The following FAT3 variants were observed in gnomAD, a reference collection of about 807,000 sequenced individuals.
The protein encoded by FAT3 is FAT atypical cadherin 3.
FAT3 carries 95 observed loss-of-function variants against 310.2 expected under a neutral mutation model. That is an observed-to-expected ratio of 0.31 (90% CI 0.26 to 0.36). The LOEUF is 0.36. Ranked by LOEUF, FAT3 falls within the 10% of genes least tolerant of loss-of-function variation. The pLI is 1.00. For missense variants in FAT3, 5,408 were observed against 5,715.6 expected, an observed-to-expected ratio of 0.95 and a Z score of 1.74; for synonymous variants, 2,314 against 2,192.9, an observed-to-expected ratio of 1.06 and a Z score of -1.54.
At chr11:92,525,964 A>G (rs182602846) in intron 3 of FAT3, among the ~76,000 whole-genome samples, 210 of 152,360 alleles carry the variant, frequency 1.4e-3, no homozygotes, top group African/African-American at 4.7e-3. Context: ...TTTAAGAAAG[A>G]AAATTATTGA....
At chr11:92,674,654 C>T (rs1943232062) in intron 3 of FAT3, among the ~76,000 whole-genome samples, 1 of 152,052 alleles carries the variant, frequency 6.6e-6, no homozygotes, top group Non-Finnish European at 1.5e-5. Flanking sequence ...TCCCAAGTAA[C>T]TAGGACTACA....
chr11:92,329,405 C>T (rs974275876), intron 1 of FAT3, among the ~76,000 whole-genome samples: 15 of 152,152 alleles, frequency 9.9e-5, no homozygotes, highest in Admixed American at 5.9e-4. Context: ...GATCTCTGCA[C>T]ATGCTGACTT....
chr11:92,885,417 G>A (rs1221427618), intron 24 of FAT3, among the ~76,000 whole-genome samples: 2 of 152,162 alleles, frequency 1.3e-5, no homozygotes, highest in Admixed American at 6.5e-5. Context: ...ACTGTTCTTG[G>A]GAGCTTTGGC....
intron 3 of FAT3, among the ~76,000 whole-genome samples, chr11:92,676,667 T>C (rs1425418675): frequency 6.6e-6 from 1 of 152,192 alleles, no homozygotes; most frequent in Non-Finnish European, 1.5e-5. Context: ...AAGAAGTGGA[T>C]CTTAGTCAAA....
At chr11:92,673,062 G>A (rs192746065) in intron 3 of FAT3, among the ~76,000 whole-genome samples, 281 of 152,052 alleles carry the variant, frequency 1.8e-3, no homozygotes, top group Admixed American at 4.6e-3. Flanking sequence ...ATTCTGTTTT[G>A]GATTATTACT....
chr11:92,358,276 C>T (rs1455169315), intron 2 of FAT3, among the ~76,000 whole-genome samples: 1 of 152,160 alleles, frequency 6.6e-6, no homozygotes, highest in African/African-American at 2.4e-5. Flanking sequence ...AAACCTCTTT[C>T]CTATAAACAT....
intron 1 of FAT3, among the ~76,000 whole-genome samples, chr11:92,330,802 GA>G (rs1255972939): frequency 6.6e-6 from 1 of 151,914 alleles, no homozygotes; most frequent in Non-Finnish European, 1.5e-5. Flanking sequence ...TTATTTTTTA[GA>G]ATATTAGCAC....
At chr11:92,237,573 C>T (rs1463853782) in intron 1 of FAT3, among the ~76,000 whole-genome samples, 1 of 152,082 alleles carries the variant, frequency 6.6e-6, no homozygotes, top group African/African-American at 2.4e-5. Context: ...CCTGGAATTC[C>T]AGCATGTTTT....
At chr11:92,885,827 CAT>C (rs1229129610) in intron 24 of FAT3, among the ~76,000 whole-genome samples, 2 of 152,196 alleles carry the variant, frequency 1.3e-5, no homozygotes, top group Non-Finnish European at 2.9e-5. Context: ...AGCTCATCGT[CAT>C]ATTTTCTGCA....
At chr11:92,425,728 G>A (rs1279820669) in intron 2 of FAT3, among the ~76,000 whole-genome samples, 1 of 152,026 alleles carries the variant, frequency 6.6e-6, no homozygotes, top group Admixed American at 6.6e-5. Context: ...CTTTTGTATG[G>A]CTGCATTGTA....
chr11:92,816,183 G>A (rs1947821537), intron 13 of FAT3, among the ~76,000 whole-genome samples: 1 of 152,230 alleles, frequency 6.6e-6, no homozygotes, highest in African/African-American at 2.4e-5. Flanking sequence ...TAGATGGAAA[G>A]ATGAGTGTTA....
intron 3 of FAT3, among the ~76,000 whole-genome samples, chr11:92,665,934 A>T (rs562701246): frequency 6.6e-6 from 1 of 152,262 alleles, no homozygotes; most frequent in East Asian, 1.9e-4. Flanking sequence ...GCTTTGGGAG[A>T]CTGAAGCAGG....
At chr11:92,632,722 G>A (rs1565473415) in intron 3 of FAT3, among the ~76,000 whole-genome samples, 1 of 152,194 alleles carries the variant, frequency 6.6e-6, no homozygotes, top group Non-Finnish European at 1.5e-5. Flanking sequence ...TGTGCTGCAG[G>A]TTCAATGGCA....
At chr11:92,698,853 T>C (rs1944015068) in intron 4 of FAT3, among the ~76,000 whole-genome samples, 1 of 152,178 alleles carries the variant, frequency 6.6e-6, no homozygotes, top group Non-Finnish European at 1.5e-5. Flanking sequence ...GGCTGTGTTC[T>C]TAGATAGTTG....
chr11:92,646,011 T>A (rs1254887776), intron 3 of FAT3, among the ~76,000 whole-genome samples: 2 of 152,252 alleles, frequency 1.3e-5, no homozygotes, highest in Non-Finnish European at 2.9e-5. Context: ...TGCTTATGAC[T>A]GATTTGCTAT....
chr11:92,521,733 A>G (rs1953691566), intron 2 of FAT3, among the ~76,000 whole-genome samples: 1 of 152,174 alleles, frequency 6.6e-6, no homozygotes, highest in Non-Finnish European at 1.5e-5. Context: ...GCAAGTTACC[A>G]ACATGGTGTC....
chr11:92,363,055 C>T (rs1272269054), intron 2 of FAT3, among the ~76,000 whole-genome samples: 1 of 152,094 alleles, frequency 6.6e-6, no homozygotes, highest in Non-Finnish European at 1.5e-5. Flanking sequence ...GGGGTTTGGC[C>T]GATGGTAGGG....
chr11:92,631,473 TTC>T (rs2135703047), intron 3 of FAT3, among the ~76,000 whole-genome samples: 1 of 152,200 alleles, frequency 6.6e-6, no homozygotes, highest in South Asian at 2.1e-4. Context: ...TCCCATGCCT[TTC>T]TCATGATAGT....
chr11:92,601,150 A>T (rs1352749093), intron 3 of FAT3, among the ~76,000 whole-genome samples: 2 of 152,056 alleles, frequency 1.3e-5, no homozygotes, highest in Non-Finnish European at 2.9e-5. Context: ...ATATGAGTCA[A>T]CTGTTTTTTA....
Sources: allele counts gnomAD v4.1 joint callset (sites outside exome capture counted in the v4.1 genomes callset), GRCh38; gene constraint gnomAD v4.1.1; transcripts MANE v1.5; gene names NCBI Gene and HGNC (gene_info 2026-07-23, HGNC 2026-07-21).